Variants in LCORL observed in about 807,000 individuals in gnomAD.
LCORL encodes ligand-dependent nuclear receptor corepressor-like protein.
LCORL carries 41 observed loss-of-function variants against 141.8 expected under a neutral mutation model. The ratio of observed to expected loss-of-function variants is 0.29; its 90% CI spans 0.23 to 0.38. The LOEUF (loss-of-function observed/expected upper bound fraction) is 0.38. Ranked by LOEUF, LCORL falls within the 10% of genes least tolerant of loss-of-function variation. LCORL has a pLI of 1.00. For missense variants in LCORL, 1,759 were observed against 2,035.0 expected (o/e 0.86, Z 2.61); for synonymous variants, 618 against 694.1 (o/e 0.89, Z 1.72).
chr4:17,971,663 A>T (rs951946667), intron 2 of LCORL, among the ~76,000 whole-genome samples: 1 of 151,690 alleles, frequency 6.6e-6, no homozygotes, highest in Non-Finnish European at 1.5e-5. Context: ...TCAAAATTGC[A>T]TTAATACACA....
chr4:17,857,989 T>A (rs1320016835), intron 7 of LCORL, among the ~76,000 whole-genome samples: 1 of 152,008 alleles, frequency 6.6e-6, no homozygotes, highest in Non-Finnish European at 1.5e-5. Context: ...CATGCATGCA[T>A]GCAAAAAACA....
At chr4:17,868,452 A>C (rs977462754) in intron 7 of LCORL, among the ~76,000 whole-genome samples, 1 of 152,162 alleles carries the variant, frequency 6.6e-6, no homozygotes, top group Non-Finnish European at 1.5e-5. Flanking sequence ...GATTCTTAAA[A>C]GTTTACTCAG....
chr4:18,020,608 T>C (rs1010431119), intron 1 of LCORL: 1 of 147,794 alleles, frequency 6.8e-6, no homozygotes, highest in African/African-American at 2.5e-5. Context: ...AGGTCGGGAG[T>C]CCCACCATTC....
chr4:17,868,034 T>C (rs949718865), intron 7 of LCORL, among the ~76,000 whole-genome samples: 2 of 152,192 alleles, frequency 1.3e-5, no homozygotes, highest in African/African-American at 4.8e-5. Flanking sequence ...CTAATTTCAT[T>C]AGAATACTTT....
intron 1 of LCORL, among the ~76,000 whole-genome samples, chr4:17,983,213 T>C (rs1016619143): frequency 5.9e-5 from 9 of 152,222 alleles, no homozygotes; most frequent in Non-Finnish European, 1.3e-4. Context: ...CCTCTAGCTT[T>C]GTTCTGTTTG....
chr4:17,982,520 T>TA (rs58874045), intron 1 of LCORL, among the ~76,000 whole-genome samples: 108,205 of 152,056 alleles, frequency 0.71, 38,774 homozygotes, highest in South Asian at 0.85. Flanking sequence ...ATTTCTCCAT[T>TA]ATCAGTGATA....
At chr4:17,944,638 C>T (rs1458050099) in intron 4 of LCORL, among the ~76,000 whole-genome samples, 1 of 152,116 alleles carries the variant, frequency 6.6e-6, no homozygotes, top group Admixed American at 6.6e-5. Flanking sequence ...TAGCCCCAGC[C>T]ATGCAAACAA....
rs527245380 is a variant in LCORL at position 17,907,131 on chromosome 4, G to GCTAGTGATC, written c.682+1954_682+1962dup. On this transcript the variant is annotated intron_variant, in intron 5 of 7. Transcript: ENST00000635767. Reference sequence around the variant, plus strand: ...GAAATCTGTTTCCCTCTAACCTCTAGCTAGTGATCCTAACTCAACTCACTG... The same window carrying GCTAGTGATC: ...GAAATCTGTTTCCCTCTAACCTCTAGCTAGTGATCCTAGTGATCCTAACTCAACTCACTG... Among the ~76,000 whole-genome samples the GCTAGTGATC allele has an allele frequency of 2.6e-3, 394 of 152,176 alleles. 3 individuals are homozygous for GCTAGTGATC. Among genetic ancestry groups the GCTAGTGATC allele is most frequent in the African/African-American group, 8.8e-3 (367 of 41,494 alleles).
intron 4 of LCORL, among the ~76,000 whole-genome samples, chr4:17,927,944 T>G (rs1403008711): frequency 6.6e-6 from 1 of 152,040 alleles, no homozygotes; most frequent in Non-Finnish European, 1.5e-5. Flanking sequence ...AAATGCAAAA[T>G]CTACAAAGCA....
intron 4 of LCORL, among the ~76,000 whole-genome samples, chr4:17,910,317 T>A (rs1732322720): frequency 6.6e-6 from 1 of 152,204 alleles, no homozygotes; most frequent in South Asian, 2.1e-4. Flanking sequence ...TTCCCTTTAT[T>A]TATTCTGCCC....
At chr4:17,874,744 T>A in exon 7 of LCORL, 1 of 1,233,972 alleles carries the variant, frequency 8.1e-7, no homozygotes. Context: ...GATGAAATTA[T>A]AGGATCCAAG....
chr4:17,953,073 A>T (rs937652599), intron 4 of LCORL, among the ~76,000 whole-genome samples: 2 of 151,934 alleles, frequency 1.3e-5, no homozygotes, highest in African/African-American at 4.8e-5. Context: ...AAAGGACATG[A>T]TCTCATTCTT....
intron 5 of LCORL, among the ~76,000 whole-genome samples, chr4:17,900,422 G>T (rs1257601967): frequency 6.6e-6 from 1 of 152,020 alleles, no homozygotes; most frequent in Non-Finnish European, 1.5e-5. Context: ...TAAATGCCCT[G>T]ACCTTAGATC....
intron 5 of LCORL, among the ~76,000 whole-genome samples, chr4:17,908,786 AT>A (rs1391843402): frequency 6.6e-6 from 1 of 152,140 alleles, no homozygotes; most frequent in African/African-American, 2.4e-5. Flanking sequence ...GCTTTCCACT[AT>A]AAAAATAATT....
At chr4:17,952,479 G>C (rs1234781018) in intron 4 of LCORL, among the ~76,000 whole-genome samples, 1 of 148,512 alleles carries the variant, frequency 6.7e-6, no homozygotes, top group East Asian at 2.0e-4. Flanking sequence ...GCAGTGGCGC[G>C]ATCTCGGCTC....
At chr4:17,984,593 A>T (rs1718613357) in intron 1 of LCORL, among the ~76,000 whole-genome samples, 1 of 151,988 alleles carries the variant, frequency 6.6e-6, no homozygotes, top group Non-Finnish European at 1.5e-5. Flanking sequence ...GGTTATTTGT[A>T]TTTCCATGGA....
At chr4:17,868,620 C>G (rs1725955897) in intron 7 of LCORL, among the ~76,000 whole-genome samples, 1 of 152,140 alleles carries the variant, frequency 6.6e-6, no homozygotes, top group Non-Finnish European at 1.5e-5. Context: ...CAAAAATCAT[C>G]TCCTGCAACT....
chr4:17,850,957 G>A (rs1268527525), intron 7 of LCORL, among the ~76,000 whole-genome samples: 15 of 149,966 alleles, frequency 1.0e-4, no homozygotes, highest in African/African-American at 3.2e-4. Flanking sequence ...CATAAAAAAT[G>A]ATGAGTTCAT....
chr4:17,880,967 C>G, intron 6 of LCORL: 2 of 983,132 alleles, frequency 2.0e-6, no homozygotes, highest in Non-Finnish European at 2.4e-6. Flanking sequence ...TACTAAATTA[C>G]TGCGACATTG....
Sources: allele counts gnomAD v4.1 joint callset (sites outside exome capture counted in the v4.1 genomes callset), GRCh38; gene constraint gnomAD v4.1.1; transcripts MANE v1.5; gene names NCBI Gene and HGNC (gene_info 2026-07-23, HGNC 2026-07-21).